The following NCSTN variants were observed in gnomAD, a reference collection of about 807,000 sequenced individuals.
NCSTN encodes anterior pharynx-defective 2.
A neutral mutation model predicts 87.0 loss-of-function variants in NCSTN; 22 were observed. The ratio of observed to expected loss-of-function variants is 0.25; its 90% CI spans 0.18 to 0.36. The LOEUF (loss-of-function observed/expected upper bound fraction) is 0.36. Among genes scored for constraint, NCSTN ranks in the 10% least tolerant of loss-of-function variants. NCSTN has a pLI of 1.00. For missense variants in NCSTN, 693 were observed against 883.3 expected, an observed-to-expected ratio of 0.78 and a Z score of 2.73; for synonymous variants, 306 against 327.1, an observed-to-expected ratio of 0.94 and a Z score of 0.69.
rs558511659 is a variant in NCSTN at position 160,354,237 on chromosome 1, T to C, written c.1299T>C (p.Ala433=). 1.4e-5 allele frequency: 22 copies of C among 1,614,142 alleles called. No homozygotes were observed. In the East Asian group the frequency reaches 4.9e-4, roughly 36 times the overall value. ...CTTCCCTGCAGCGATTTCTTCGAGC[T>C]CGAAACATCTCTGGCGTTGTTCTGG... is the stretch of plus-strand genomic sequence containing the variant. ...PPSSLQRFLR[A]RNISGVVLAD... Residue 433 remains alanine (A), a synonymous_variant, in exon 11 of 17, where the codon GCT becomes GCC. Coordinates refer to ENST00000294785, the MANE Select transcript of NCSTN (RefSeq NM_015331.3).
At chr1:160,356,027 A>G (rs1649113536) in intron 13 of NCSTN, 69 bp downstream of exon 13, 1 of 1,424,638 alleles carries the variant, frequency 7.0e-7, no homozygotes, top group Non-Finnish European at 9.9e-7. Flanking sequence ...CCCTTGCCCT[A>G]GTGTCCCAAA....
At chr1:160,355,632 G>A (rs200206740) in intron 11 of NCSTN, 23 bp from the exon 12 acceptor site, 13 of 1,574,630 alleles carry the variant, frequency 8.3e-6, no homozygotes, top group Admixed American at 3.3e-5. Flanking sequence ...TGTAGCCAAG[G>A]CTCATGCCGG....
At chr1:160,345,851 A>G (rs1648453406) in intron 2 of NCSTN, among the ~76,000 whole-genome samples, 1 of 144,456 alleles carries the variant, frequency 6.9e-6, no homozygotes. Flanking sequence ...AAGCAGAAGA[A>G]TCCCTTGAGC....
intron 5 of NCSTN, among the ~76,000 whole-genome samples, chr1:160,350,915 T>C (rs1648801864): frequency 6.6e-6 from 1 of 152,190 alleles, no homozygotes; most frequent in Admixed American, 6.5e-5. Flanking sequence ...TGGTGCTCTT[T>C]GTATCAGACC....
chr1:160,351,299 C>T lies in NCSTN; in HGVS notation c.660C>T (p.His220=), dbSNP rs1359652044. 1 of 1,614,168 alleles carries T rather than the reference C, an allele frequency of 6.2e-7. No individual in the cohort carries two copies. The change falls in exon 6 of 17, where the codon CAC becomes CAT. Residue 220 remains histidine, a synonymous_variant. Transcript: ENST00000294785. ...FPLCAMQLFS[H]MHAVISTATC... is the part of the protein sequence containing the mutation. The stretch of plus-strand genomic sequence containing the variant: ...TATGTGCCATGCAGCTCTTTTCACA[C>T]ATGCATGCTGTCATCAGCACTGCCA...
In NCSTN at chr1:160,351,343, C is replaced by T. The variant is rs1310905609; in HGVS notation, c.704C>T (p.Ser235Phe). 1 of 1,614,190 alleles carries T rather than the reference C, an allele frequency of 6.2e-7. No individual in the cohort carries two copies. The highest frequency in any genetic ancestry group is 1.1e-5 in the South Asian group (1 of 91,068). The stretch of plus-strand genomic sequence containing the variant: ...ACTGCCACCTGCATGCGGCGCAGCT[C>T]CATCCAAAGCACCTTCAGCATCAAC... ...ISTATCMRRS[S>F]IQSTFSINPE... The change falls in exon 6 of 17, where the codon TCC becomes TTC. Residue 235 changes from serine to phenylalanine, a missense_variant. By Grantham distance (155) the Ser-to-Phe change is radical. Transcript: ENST00000294785.
Position 160,357,229 on chromosome 1 carries a change from T to G in NCSTN, c.1983T>G (p.Phe661Leu). The change falls in exon 16 of 17, where the codon TTT becomes TTG. Residue 661 changes from phenylalanine (F) to leucine (L), a missense_variant. Physicochemically the swap from Phe to Leu is conservative, Grantham distance 22 (BLOSUM62 0). Around this residue, in one of 4 missense-constraint regions of NCSTN, gnomAD observed 216 missense variants for 311.7 expected, o/e 0.69. Coordinates refer to ENST00000294785, the MANE Select transcript of NCSTN (RefSeq NM_015331.3). ...GGAAAGATATCCGTGCCCGGATATTTCTCATCGCCAGCAAAGAGCTTGAGG... is the reference window on the plus strand; with the variant it reads ...GGAAAGATATCCGTGCCCGGATATTGCTCATCGCCAGCAAAGAGCTTGAGG... ...SRWKDIRARIFLIASKELELI... is the reference protein window; with the variant it reads ...SRWKDIRARILLIASKELELI... 6.2e-7 allele frequency: 1 copy of G among 1,613,900 alleles called. No individual in the cohort carries two copies.
In NCSTN at chr1:160,350,164, T is replaced by C. The variant is rs754864616; in HGVS notation, c.496T>C (p.Ser166Pro). ...FAHCREIQWN[S>P]LGNGLAYEDF... ...TCACTGCAGAGAAATACAGTGGAAT[T>C]CGCTGGGCAATGGTTTGGCTTATGA... is the stretch of plus-strand genomic sequence containing the variant. Residue 166 changes from serine (S) to proline (P), a missense_variant, in exon 5 of 17, where the codon TCG (serine) becomes CCG (proline). Ser to Pro is a moderately conservative substitution (Grantham distance 74, BLOSUM62 -1). Around this residue, in one of 4 missense-constraint regions of NCSTN, gnomAD observed 235 missense variants for 233.9 expected, o/e 1.00. Coordinates refer to ENST00000294785, the MANE Select transcript of NCSTN (RefSeq NM_015331.3). 1.2e-6 allele frequency: 2 copies of C among 1,614,130 alleles called. No homozygotes were observed. The highest frequency in any genetic ancestry group is 1.7e-5 in the Admixed American group (1 of 60,028).
chr1:160,349,563 A>G lies in NCSTN; in HGVS notation c.329A>G (p.Lys110Arg). 6.2e-7 allele frequency: 1 copy of G among 1,614,150 alleles called. No homozygotes were observed. Among genetic ancestry groups the G allele is most frequent in the East Asian group, 2.2e-5 (1 of 44,870 alleles). Residue 110 changes from lysine to arginine, a missense_variant, in exon 4 of 17, where the codon AAG becomes AGG. Physicochemically the swap from Lys to Arg is conservative, Grantham distance 26. This residue lies in a region of NCSTN where 235 missense variants were observed against 233.9 expected (regional missense o/e 1.00). Transcript: ENST00000294785. ...TCCTATTCCAGGGATTTAATGGAGA[A>G]GCTGAAAGGGAGAACCAGCCGAATT... The part of the protein sequence containing the change: ...SKHFTRDLME[K>R]LKGRTSRIAG...
At chr1:160,353,266 A>G (rs1648965917) in intron 10 of NCSTN, 29 bp downstream of exon 10, 1 of 1,614,014 alleles carries the variant, frequency 6.2e-7, no homozygotes, top group South Asian at 1.1e-5. Flanking sequence ...CTCATTTCCT[A>G]TTCCTACAGC....
intron 2 of NCSTN, among the ~76,000 whole-genome samples, chr1:160,345,938 G>GAAAAAAA (rs56358787): frequency 0.01 from 617 of 59,698 alleles, 21 homozygotes; most frequent in Middle Eastern, 0.042. Flanking sequence ...GACACTGTCT[G>GAAAAAAA]AAAAAAAAAA....
At chr1:160,348,365 A>G (rs2101895699) in intron 2 of NCSTN, among the ~76,000 whole-genome samples, 1 of 152,346 alleles carries the variant, frequency 6.6e-6, no homozygotes, top group South Asian at 2.1e-4. Flanking sequence ...GTAAATGATA[A>G]GTAGGCTCCT....
At position 160,351,709 on chromosome 1, in the gene NCSTN, C is replaced by T. The variant is rs6664627; in HGVS notation, c.747C>T (p.Asp249=). The T allele has an allele frequency of 0.052, 83,415 of 1,605,158 alleles. 2,338 individuals carry two copies. The highest frequency in any genetic ancestry group is 0.064 in the African/African-American group (4,778 of 74,782). The change falls in exon 7 of 17, where the codon GAC becomes GAT. Residue 249 remains aspartate (D), a synonymous_variant. Coordinates refer to ENST00000294785, the MANE Select transcript of NCSTN (RefSeq NM_015331.3). ...TFSINPEIVC[D]PLSDYNVWSM... The stretch of plus-strand genomic sequence containing the variant: ...TGTCCTGCTTAGAAATCGTCTGTGA[C>T]CCCCTGTCTGATTACAATGTGTGGA...
chr1:160,356,105 G>T, intron 13 of NCSTN, 147 bp downstream of exon 13: 5 of 1,002,778 alleles, frequency 5.0e-6, no homozygotes, highest in Non-Finnish European at 7.7e-6. Context: ...TCTTGGGTGG[G>T]CCTCATCTGC....
In NCSTN at chr1:160,358,168, G is replaced by C; in HGVS notation, c.2027G>C (p.Gly676Ala). The C allele has an allele frequency of 6.2e-7, 1 of 1,614,094 alleles. No individual in the cohort carries two copies. The highest frequency in any genetic ancestry group is 1.1e-5 in the South Asian group (1 of 91,074). ...KELELITLTV[G>A]FGILIFSLIV... ...CTGCAGTTGATCACCCTGACAGTGG[G>C]CTTCGGCATCCTCATCTTCTCCCTC... Residue 676 changes from glycine (G) to alanine (A), a missense_variant, in exon 17 of 17, where the codon GGC becomes GCC. By Grantham distance (60) the Gly-to-Ala change is moderately conservative (BLOSUM62 0). Around this residue, in one of 4 missense-constraint regions of NCSTN, gnomAD observed 216 missense variants for 311.7 expected, o/e 0.69. Coordinates refer to ENST00000294785, the MANE Select transcript of NCSTN (RefSeq NM_015331.3).
intron 2 of NCSTN, among the ~76,000 whole-genome samples, chr1:160,347,740 G>A (rs1648581342): frequency 6.6e-6 from 1 of 152,164 alleles, no homozygotes; most frequent in South Asian, 2.1e-4. Flanking sequence ...CTTCTGAGTA[G>A]CTAGCATTAC....
chr1:160,355,822 A>G, intron 12 of NCSTN, 41 bp from the exon 13 acceptor site: 1 of 1,604,150 alleles, frequency 6.2e-7, no homozygotes, highest in Non-Finnish European at 8.5e-7. Context: ...ATTTGAGGAT[A>G]GGAGAGGTGG....
intron 2 of NCSTN, among the ~76,000 whole-genome samples, chr1:160,345,773 C>T (rs73029440): frequency 0.14 from 21,780 of 150,520 alleles, 3,120 homozygotes; most frequent in African/African-American, 0.38. Flanking sequence ...CCCATCTCTA[C>T]TAAAAATACA....
At chr1:160,350,612 C>T (rs766340130) in intron 5 of NCSTN, among the ~76,000 whole-genome samples, 2 of 151,940 alleles carry the variant, frequency 1.3e-5, no homozygotes, top group Admixed American at 6.6e-5. Flanking sequence ...CCTGATATTA[C>T]AGCATTAAAG....
Sources: allele counts gnomAD v4.1 joint callset (sites outside exome capture counted in the v4.1 genomes callset), GRCh38; gene constraint gnomAD v4.1.1; regional missense constraint gnomAD v4.1.1; transcripts MANE v1.5; gene names NCBI Gene and HGNC (gene_info 2026-07-23, HGNC 2026-07-21).